ATP2C2: variants seen among roughly 807,000 people sequenced by gnomAD.
ATP2C2 encodes the protein calcium-transporting ATPase type 2C member 2.
A neutral mutation model predicts 110.8 loss-of-function variants in ATP2C2; 171 were observed. The ratio of observed to expected loss-of-function variants is 1.54; its 90% CI spans 1.36 to 1.75. The LOEUF is 1.75. Among genes scored for constraint, ATP2C2 ranks in the 40% most tolerant of loss-of-function variants. The probability of loss-of-function intolerance (pLI) is 0.00; values close to 1 mark genes in which losing one functional copy is unlikely to be tolerated. For synonymous variants in ATP2C2, 804 were observed against 508.4 expected (o/e 1.58, Z -7.82); for missense variants, 1,963 against 1,235.0 (o/e 1.59, Z -8.84).
At chr16:84,424,260 C>T (rs554113921) in intron 10 of ATP2C2, among the ~76,000 whole-genome samples, 13 of 152,128 alleles carry the variant, frequency 8.5e-5, no homozygotes, top group Non-Finnish European at 1.8e-4. Context: ...CACAGCAAGA[C>T]CCATGATATC....
intron 1 of ATP2C2, among the ~76,000 whole-genome samples, chr16:84,378,372 T>G (rs1910373940): frequency 1.3e-5 from 2 of 152,146 alleles, no homozygotes; most frequent in Non-Finnish European, 2.9e-5. Flanking sequence ...TCCACATTCA[T>G]GTGTCCTGGT....
intron 1 of ATP2C2, among the ~76,000 whole-genome samples, chr16:84,374,070 G>C (rs192560392): frequency 1.3e-5 from 2 of 152,206 alleles, no homozygotes; most frequent in Non-Finnish European, 2.9e-5. Context: ...AGTGTTGGGC[G>C]TTGTTGAAAG....
chr16:84,459,425 C>T (rs1412349618), intron 23 of ATP2C2, 39 bp downstream of exon 23: 2 of 1,607,760 alleles, frequency 1.2e-6, no homozygotes, highest in South Asian at 1.1e-5. Flanking sequence ...GTCTCTTTAC[C>T]CACCTGCGGG....
intron 23 of ATP2C2, chr16:84,459,710 T>A: frequency 1.1e-6 from 1 of 883,356 alleles, no homozygotes; most frequent in Non-Finnish European, 1.7e-6. Context: ...CTTCCCTGAT[T>A]GCACTCCCAC....
At chr16:84,459,569 A>C (rs1286478414) in intron 23 of ATP2C2, 183 bp downstream of exon 23, 6 of 1,536,676 alleles carry the variant, frequency 3.9e-6, no homozygotes, top group Non-Finnish European at 5.2e-6. Context: ...GCAGAGGAGA[A>C]AGTACCTGGG....
chr16:84,453,100 G>A, intron 18 of ATP2C2, 38 bp from the exon 19 acceptor site: 1 of 1,568,814 alleles, frequency 6.4e-7, no homozygotes, highest in Non-Finnish European at 8.7e-7. Context: ...TGGGGACGCG[G>A]GCCTCAGAGC....
intron 7 of ATP2C2, among the ~76,000 whole-genome samples, chr16:84,416,967 G>T (rs916361421): frequency 1.3e-5 from 2 of 152,180 alleles, no homozygotes; most frequent in Admixed American, 6.5e-5. Context: ...TTGTGAGAAG[G>T]ACACAGGTCC....
At chr16:84,424,252 C>T (rs1597809956) in intron 10 of ATP2C2, among the ~76,000 whole-genome samples, 1 of 152,176 alleles carries the variant, frequency 6.6e-6, no homozygotes, top group African/African-American at 2.4e-5. Context: ...GACATGTCCA[C>T]AGCAAGACCC....
chr16:84,461,622 C>T (rs1187773740), intron 24 of ATP2C2, 92 bp from the exon 25 acceptor site: 1 of 1,175,738 alleles, frequency 8.5e-7, no homozygotes, highest in Admixed American at 1.7e-5. Context: ...CCAGCCATGC[C>T]CCAGGAGCAG....
intron 6 of ATP2C2, 147 bp downstream of exon 6, chr16:84,410,912 G>A (rs879214437): frequency 1.2e-5 from 9 of 752,034 alleles, no homozygotes; most frequent in African/African-American, 3.5e-5. Flanking sequence ...CCTGGTCTCC[G>A]CCTGCCAATA....
In ATP2C2 at chr16:84,379,481, T is replaced by C. The variant is rs1910449925; in HGVS notation, c.99+10767T>C. 1.3e-5 allele frequency among the ~76,000 whole-genome samples: 2 copies of C among 152,212 alleles called. 1 individual carries two copies. The highest frequency in any genetic ancestry group is 4.1e-4 in the South Asian group (2 of 4,832). On this transcript the variant is annotated intron_variant, in intron 1 of 26. Transcript: ENST00000262429. The stretch of plus-strand genomic sequence containing the variant: ...GTGCCTGGCTGATCCTTTCTTTTGA[T>C]GACATGTCCTCCAAGTGTGGGCTGG...
intron 15 of ATP2C2, among the ~76,000 whole-genome samples, chr16:84,443,147 A>G (rs1214167189): frequency 6.6e-6 from 1 of 152,064 alleles, no homozygotes; most frequent in Non-Finnish European, 1.5e-5. Flanking sequence ...AAGTTAGAAG[A>G]AGGAGAGGCA....
intron 1 of ATP2C2, among the ~76,000 whole-genome samples, chr16:84,381,455 T>C (rs1029915797): frequency 6.6e-6 from 1 of 152,110 alleles, no homozygotes; most frequent in Non-Finnish European, 1.5e-5. Flanking sequence ...CATGAGCCTG[T>C]AATCCCAGCT....
In ATP2C2 at chr16:84,424,599, T is replaced by TTA. The variant is rs376880864; in HGVS notation, c.920-1136_920-1135insTA. 1.4e-3 allele frequency among the ~76,000 whole-genome samples: 190 copies of TTA among 131,252 alleles called. 6 individuals are homozygous for TTA. The East Asian group carries it at 0.019, about 13-fold the overall frequency. The allele number at this position is 131,252 out of a possible 152,430, so 86.1% of individuals were successfully genotyped here. A position where few individuals can be genotyped will look rare whatever the true frequency, so the allele number is the denominator to read the frequency against. On this transcript the variant is annotated intron_variant, in intron 10 of 26. Transcript: ENST00000262429. ...GGCTTTTTTTTTTTTTTTTTTTTTT[T>TTA]AACATTTTGGGAACTGCTCTAGCAG...
intron 1 of ATP2C2, among the ~76,000 whole-genome samples, chr16:84,374,045 C>T (rs918295517): frequency 1.1e-4 from 16 of 152,320 alleles, no homozygotes; most frequent in Middle Eastern, 3.4e-3. Flanking sequence ...GGCTCGTTCA[C>T]TTGAAGATAA....
At chr16:84,409,627 G>A (rs1346793616) in intron 4 of ATP2C2, among the ~76,000 whole-genome samples, 1 of 151,994 alleles carries the variant, frequency 6.6e-6, no homozygotes, top group African/African-American at 2.4e-5. Context: ...TGAGCAGCTG[G>A]GATTACAGGT....
At position 84,415,549 on chromosome 16, in the gene ATP2C2, C is replaced by G. The variant is rs767915422; in HGVS notation, c.582C>G (p.Leu194=). ...TGGTTCCTGGTGATGTCGTATCTCT[C>G]TCGATCGGAGACCGGATCCCTGCAG... is the stretch of plus-strand genomic sequence containing the variant. ...RELVPGDVVS[L]SIGDRIPADI... is the part of the protein sequence containing the mutation. Residue 194 remains leucine (L), a synonymous_variant, in exon 7 of 27, where the codon CTC becomes CTG. Coordinates refer to ENST00000262429, the MANE Select transcript of ATP2C2 (RefSeq NM_014861.4). 9.9e-6 allele frequency: 16 copies of G among 1,614,040 alleles called. No individual in the cohort carries two copies. In the East Asian group the frequency reaches 2.9e-4, roughly 29 times the overall value.
chr16:84,453,763 G>T (rs941390199), intron 20 of ATP2C2, among the ~76,000 whole-genome samples: 70 of 152,190 alleles, frequency 4.6e-4, no homozygotes, highest in African/African-American at 1.6e-3. Flanking sequence ...GGGGACCTTT[G>T]CTACATACAG....
intron 15 of ATP2C2, among the ~76,000 whole-genome samples, chr16:84,443,418 C>T (rs71386837): frequency 0.04 from 6,154 of 152,194 alleles, 230 homozygotes; most frequent in South Asian, 0.18. Flanking sequence ...TTGTCTCTGA[C>T]TCGGGTGTGA....
Sources: allele counts gnomAD v4.1 joint callset (sites outside exome capture counted in the v4.1 genomes callset), GRCh38; gene constraint gnomAD v4.1.1; transcripts MANE v1.5; gene names NCBI Gene and HGNC (gene_info 2026-07-23, HGNC 2026-07-21).